PCDH1: variants seen among roughly 807,000 people sequenced by gnomAD.
PCDH1 encodes the protein protocadherin-1.
A neutral mutation model predicts 74.6 loss-of-function variants in PCDH1; 23 were observed. That is an observed-to-expected ratio of 0.31 (90% CI 0.22 to 0.44). The LOEUF (loss-of-function observed/expected upper bound fraction) is 0.44. Ranked by LOEUF, PCDH1 falls within the 20% of genes least tolerant of loss-of-function variation. PCDH1 has a pLI of 1.00. For synonymous variants in PCDH1, 647 were observed against 686.1 expected, an observed-to-expected ratio of 0.94 and a Z score of 0.89; for missense variants, 1,214 against 1,641.4, an observed-to-expected ratio of 0.74 and a Z score of 4.50.
chr5:141,860,306 AGTTGAGACCAGC>A (rs1752514363), intron 3 of PCDH1, among the ~76,000 whole-genome samples: 5 of 152,066 alleles, frequency 3.3e-5, no homozygotes, highest in Admixed American at 1.3e-4. Context: ...TGAGCCCAGG[AGTTGAGACCAGC>A]CTGGGCAACA....
chr5:141,863,726 C>T lies in PCDH1; in HGVS notation c.2605G>A (p.Ala869Thr), dbSNP rs996382340. The T allele has an allele frequency of 3.7e-6, 6 of 1,614,072 alleles. No individual in the cohort carries two copies. The highest frequency in any genetic ancestry group is 2.7e-5 in the African/African-American group (2 of 74,934). The change falls in exon 3 of 5, where the codon GCC (alanine) becomes ACC (threonine). Residue 869 changes from alanine to threonine, a missense_variant. Ala to Thr is a moderately conservative substitution (Grantham distance 58). Around this residue, in one of 4 missense-constraint regions of PCDH1, gnomAD observed 836 missense variants for 1,182.2 expected, o/e 0.71. Transcript: ENST00000287008. This position sits in a 1 kb window ranked among gnomAD's most constrained non-coding sequence, Gnocchi z 7.5. ...CAGTAGCGCACAAGAACCGCCAGGGCGATGAGCAAGGCCACGGCCACCACA... is the reference window on the plus strand; with the variant it reads ...CAGTAGCGCACAAGAACCGCCAGGGTGATGAGCAAGGCCACGGCCACCACA... Reference protein sequence around the residue: ...AGVVAVALLIALAVLVRYCRQ... With the variant: ...AGVVAVALLITLAVLVRYCRQ...
rs1752607151 is a variant in PCDH1 at position 141,862,538 on chromosome 5, G to A, written c.3099+694C>T. ...GGGGTACAATGGGCAGGTCTAGGAT[G>A]TGGCAAGAGGCAAAGAGAAGGGAAG... is the stretch of plus-strand genomic sequence containing the variant. On this transcript the variant is annotated intron_variant, in intron 3 of 4. Coordinates refer to ENST00000287008, the MANE Select transcript of PCDH1 (RefSeq NM_032420.5). 3 of 714,056 alleles carry A rather than the reference G, an allele frequency of 4.2e-6. No individual in the cohort carries two copies. The South Asian group carries it at 1.9e-4, about 45-fold the overall frequency. The allele number at this position is 714,056 out of a possible 1,614,324, so 44.2% of individuals were successfully genotyped here.
Position 141,869,632 on chromosome 5 carries a change from G to T in PCDH1, c.41-201C>A. On this transcript the variant is annotated intron_variant, in intron 1 of 4. Coordinates refer to ENST00000287008, the MANE Select transcript of PCDH1 (RefSeq NM_032420.5). This position sits in a 1 kb window ranked among gnomAD's most constrained non-coding sequence, Gnocchi z 4.9. The stretch of plus-strand genomic sequence containing the variant: ...ACAGCTGGGTGTAGCAGCAGTGTCT[G>T]CCCCAGCTGGAGGAGCCAGTAAGAG... The T allele has an allele frequency of 6.5e-7, 1 of 1,534,058 alleles. No individual in the cohort carries two copies. The highest frequency in any genetic ancestry group is 1.4e-5 in the African/African-American group (1 of 73,126).
At chr5:141,857,173 T>A (rs1752382478) in intron 4 of PCDH1, 79 bp downstream of exon 4, 4 of 1,177,010 alleles carry the variant, frequency 3.4e-6, no homozygotes, top group Non-Finnish European at 4.7e-6. Flanking sequence ...AATACATAGA[T>A]GATTTGTTTA....
rs1007717768 is a variant in PCDH1, at chr5:141,863,243, G to C, written c.3088C>G (p.Pro1030Ala). ...YSYRTNPPKYPSKQLPHRRVT... is the reference protein window; with the variant it reads ...YSYRTNPPKYASKQLPHRRVT... ...AAGGGCTGGCCTACCTGCTTGCTGGGGTATTTGGGGGGGTTGGTGCGGTAG... is the reference window on the plus strand; with the variant it reads ...AAGGGCTGGCCTACCTGCTTGCTGGCGTATTTGGGGGGGTTGGTGCGGTAG... The change falls in exon 3 of 5, where the codon CCC (proline) becomes GCC (alanine). Residue 1030 changes from proline (P) to alanine (A), a missense_variant. Coordinates refer to ENST00000287008, the MANE Select transcript of PCDH1 (RefSeq NM_032420.5). This position sits in a 1 kb window ranked among gnomAD's most constrained non-coding sequence, Gnocchi z 7.5. 6.3e-7 allele frequency: 1 copy of C among 1,590,718 alleles called. No individual in the cohort carries two copies. The highest frequency in any genetic ancestry group is 8.6e-7 in the Non-Finnish European group (1 of 1,168,318).
chr5:141,862,927 C>A lies in PCDH1; in HGVS notation c.3099+305G>T, dbSNP rs138093399. 10,329 of 1,231,536 alleles carry A rather than the reference C, an allele frequency of 8.4e-3. 48 individuals carry two copies. The highest frequency in any genetic ancestry group is 9.2e-3 in the Non-Finnish European group (9,065 of 987,700). The allele number at this position is 1,231,536 out of a possible 1,614,324, so 76.3% of individuals were successfully genotyped here. ...CCCACTTACGCTCACCTGCCTACCA[C>A]CCCCAACCCATAAGGCCCAGTAGCT... On this transcript the variant is annotated intron_variant, in intron 3 of 4. Transcript: ENST00000287008.
In PCDH1 at chr5:141,854,144, G is replaced by C; in HGVS notation, c.3612C>G (p.Asp1204Glu). 6.2e-7 allele frequency: 1 copy of C among 1,600,302 alleles called. No individual in the cohort carries two copies. The highest frequency in any genetic ancestry group is 8.5e-7 in the Non-Finnish European group (1 of 1,171,128). The change falls in exon 5 of 5, where the codon GAC (aspartate) becomes GAG (glutamate). Residue 1204 changes from aspartate (D) to glutamate (E), a missense_variant. By Grantham distance (45) the Asp-to-Glu change is conservative. Transcript: ENST00000287008. ...GGGGGATTTCCTCCAAGGTGGCCGA[G>C]TCCTTGCAGGAATCATGGCTACTGT... ...FSHSSHDSCK[D>E]SATLEEIPLT... is the part of the protein sequence containing the mutation.
rs1753296975 is a variant in PCDH1, at chr5:141,878,358, G to A, written c.-96C>T. ...GCTCCGGCTCCGGCTGGCTCTGGGC[G>A]CAGCAGCCCGGCGGCTTTGCGTCCG... is the stretch of plus-strand genomic sequence containing the variant. On this transcript the variant is annotated 5_prime_UTR_variant, in exon 1 of 5. Coordinates refer to ENST00000287008, the MANE Select transcript of PCDH1 (RefSeq NM_032420.5). The surrounding 1 kb of genome is among the most constrained non-coding windows in gnomAD (Gnocchi z 5.5). 1.0e-6 allele frequency: 1 copy of A among 954,830 alleles called. No individual in the cohort carries two copies. Among genetic ancestry groups the A allele is most frequent in the East Asian group, 4.2e-5 (1 of 23,860 alleles). The allele number at this position is 954,830 out of a possible 1,614,324, so 59.1% of individuals were successfully genotyped here.
chr5:141,872,258 C>G (rs1048038397), intron 1 of PCDH1, among the ~76,000 whole-genome samples: 30 of 152,242 alleles, frequency 2.0e-4, no homozygotes, highest in African/African-American at 7.0e-4. Flanking sequence ...CTGCTGCCAC[C>G]CTCCTCTGCA....
chr5:141,868,883 C>A lies in PCDH1; in HGVS notation c.589G>T (p.Ala197Ser). 1.2e-6 allele frequency: 2 copies of A among 1,614,250 alleles called. No individual in the cohort carries two copies. Among genetic ancestry groups the A allele is most frequent in the Non-Finnish European group, 1.7e-6 (2 of 1,180,052 alleles). ...TAGGATGCCACACCGTTGGGACCAG[C>A]ATCACGGTCTGAAGCCAGCGGGATG... Reference protein sequence around the residue: ...FPIPLASDRDAGPNGVASYEL... With the variant: ...FPIPLASDRDSGPNGVASYEL... The change falls in exon 2 of 5, where the codon GCT (alanine) becomes TCT (serine). Residue 197 changes from alanine (A) to serine (S), a missense_variant. By Grantham distance (99) the Ala-to-Ser change is moderately conservative. Around this residue, in one of 4 missense-constraint regions of PCDH1, gnomAD observed 836 missense variants for 1,182.2 expected, o/e 0.71. Coordinates refer to ENST00000287008, the MANE Select transcript of PCDH1 (RefSeq NM_032420.5). This position sits in a 1 kb window ranked among gnomAD's most constrained non-coding sequence, Gnocchi z 4.8.
rs1752610158 is a variant in PCDH1, at chr5:141,862,623, C to G, written c.3099+609G>C. ...GCTTCCAGTCTCTCTCGCTGCTTCT[C>G]TCAGTTCCAGAAAATAAGAAACCAA... On this transcript the variant is annotated intron_variant, in intron 3 of 4. Transcript: ENST00000287008. 3.0e-6 allele frequency: 3 copies of G among 985,498 alleles called. No individual in the cohort carries two copies. The South Asian group carries it at 1.4e-4, about 46-fold the overall frequency. 61.0% of individuals were successfully genotyped at this position (985,498 alleles called of 1,614,324 possible).
At chr5:141,856,220 A>C (rs1263738096) in intron 4 of PCDH1, 1 of 1,535,650 alleles carries the variant, frequency 6.5e-7, no homozygotes. Context: ...CAGTTCCCAC[A>C]TACCTGGCAC....
At chr5:141,876,849 T>G (rs1056947217) in intron 1 of PCDH1, among the ~76,000 whole-genome samples, 3 of 152,166 alleles carry the variant, frequency 2.0e-5, no homozygotes, top group Non-Finnish European at 4.4e-5. Context: ...GCTAAATGGC[T>G]GGAAGAGGGT....
chr5:141,877,243 G>A (rs1415636475), intron 1 of PCDH1, among the ~76,000 whole-genome samples: 1 of 152,214 alleles, frequency 6.6e-6, no homozygotes, highest in Non-Finnish European at 1.5e-5. Context: ...CCAGTGTTAA[G>A]ATGGGTGAAG....
chr5:141,870,205 C>T (rs113768433), intron 1 of PCDH1, among the ~76,000 whole-genome samples: 27 of 152,292 alleles, frequency 1.8e-4, no homozygotes, highest in Non-Finnish European at 3.7e-4. Context: ...TTAGCCTTCC[C>T]GACTTTCCCC....
rs374957829 is a variant in PCDH1 at position 141,860,764 on chromosome 5, T to G, written c.3099+2468A>C. Reference sequence around the variant, plus strand: ...ATCATAAAGAGTTATGAGCACTGATTGAACTAATTCACACAAAGTGCTTAG... The same window carrying G: ...ATCATAAAGAGTTATGAGCACTGATGGAACTAATTCACACAAAGTGCTTAG... On this transcript the variant is annotated intron_variant, in intron 3 of 4. Transcript: ENST00000287008. 3.9e-5 allele frequency among the ~76,000 whole-genome samples: 6 copies of G among 152,350 alleles called. No homozygotes were observed. The South Asian group carries it at 1.2e-3, about 32-fold the overall frequency.
intron 1 of PCDH1, among the ~76,000 whole-genome samples, chr5:141,871,961 G>A (rs1753104405): frequency 6.6e-6 from 1 of 152,180 alleles, no homozygotes; most frequent in South Asian, 2.1e-4. Flanking sequence ...AATGTTCACT[G>A]AATGCACAGA....
In PCDH1 at chr5:141,863,970, T is replaced by G; in HGVS notation, c.2361A>C (p.Leu787=). Residue 787 remains leucine (L), a synonymous_variant, in exon 3 of 5, where the codon CTA becomes CTC. Transcript: ENST00000287008. This position sits in a 1 kb window ranked among gnomAD's most constrained non-coding sequence, Gnocchi z 7.5. The part of the protein sequence containing the change: ...EKEIERRHHG[L]HRLVVKVSDR... ...CACTGACCTTCACCACCAGGCGGTG[T>G]AGCCCATGGTGGCGCCGCTCAATCT... 1 of 1,614,110 alleles carries G rather than the reference T, an allele frequency of 6.2e-7. No homozygotes were observed.
intron 2 of PCDH1, chr5:141,867,625 A>T: frequency 2.2e-6 from 1 of 446,760 alleles, no homozygotes; most frequent in Non-Finnish European, 4.5e-6. Context: ...CTAAAAAAAA[A>T]AAAAAAGGCT....
Sources: allele counts gnomAD v4.1 joint callset (sites outside exome capture counted in the v4.1 genomes callset), GRCh38; gene constraint gnomAD v4.1.1; regional missense constraint gnomAD v4.1.1; non-coding constraint Gnocchi (gnomAD v3.1); transcripts MANE v1.5; gene names NCBI Gene and HGNC (gene_info 2026-07-23, HGNC 2026-07-21).